AKAP6: variants seen among roughly 807,000 people sequenced by gnomAD.
AKAP6 encodes A-kinase anchor protein 6.
A neutral mutation model predicts 188.5 loss-of-function variants in AKAP6; 58 were observed. That is an observed-to-expected ratio of 0.31 (90% CI 0.25 to 0.38). The LOEUF is 0.38. AKAP6 is among the 10% of genes least tolerant of loss of function. The pLI is 1.00. For synonymous variants in AKAP6, 989 were observed against 998.6 expected, an observed-to-expected ratio of 0.99 and a Z score of 0.18; for missense variants, 2,710 against 2,740.0, an observed-to-expected ratio of 0.99 and a Z score of 0.24.
intron 2 of AKAP6, among the ~76,000 whole-genome samples, chr14:32,527,591 G>T (rs1882198078): frequency 6.6e-6 from 1 of 152,196 alleles, no homozygotes; most frequent in African/African-American, 2.4e-5. Context: ...ATCCTCACCA[G>T]CATTTGGTGT....
At chr14:32,757,190 A>G (rs548454044) in intron 11 of AKAP6, among the ~76,000 whole-genome samples, 1 of 152,136 alleles carries the variant, frequency 6.6e-6, no homozygotes, top group South Asian at 2.1e-4. Flanking sequence ...TCTCTGTGCT[A>G]CCCCCAAGTG....
chr14:32,514,476 CAAT>C (rs1320951084), intron 2 of AKAP6, among the ~76,000 whole-genome samples: 5 of 152,164 alleles, frequency 3.3e-5, no homozygotes, highest in Non-Finnish European at 4.4e-5. Context: ...AAAGGTCATA[CAAT>C]GAGTCAGCAA....
At chr14:32,459,488 A>G (rs1454731319) in intron 2 of AKAP6, among the ~76,000 whole-genome samples, 5 of 152,162 alleles carry the variant, frequency 3.3e-5, no homozygotes, top group African/African-American at 1.2e-4. Flanking sequence ...TCTCAAAGAA[A>G]GAAAACAAAA....
chr14:32,386,860 G>A (rs1436026843), intron 1 of AKAP6, among the ~76,000 whole-genome samples: 1 of 152,030 alleles, frequency 6.6e-6, no homozygotes, highest in Non-Finnish European at 1.5e-5. Flanking sequence ...TGTTGAAAAC[G>A]GTGTCCTTTC....
chr14:32,688,944 G>T (rs1288644832), intron 8 of AKAP6, among the ~76,000 whole-genome samples: 1 of 152,126 alleles, frequency 6.6e-6, no homozygotes, highest in Non-Finnish European at 1.5e-5. Context: ...TGGAAAACTA[G>T]TGAGGCCTAG....
At chr14:32,441,746 C>A (rs749584431) in intron 2 of AKAP6, among the ~76,000 whole-genome samples, 2 of 152,124 alleles carry the variant, frequency 1.3e-5, no homozygotes, top group Non-Finnish European at 2.9e-5. Flanking sequence ...GTCAAGGTGG[C>A]TCAGTCTAAC....
chr14:32,693,954 T>C (rs761839171), intron 8 of AKAP6, among the ~76,000 whole-genome samples: 3 of 152,202 alleles, frequency 2.0e-5, no homozygotes, highest in Non-Finnish European at 4.4e-5. Context: ...CCAGATGGTT[T>C]ATTTTTTATT....
intron 5 of AKAP6, among the ~76,000 whole-genome samples, chr14:32,583,093 C>T (rs980389416): frequency 6.6e-5 from 10 of 152,152 alleles, no homozygotes; most frequent in South Asian, 2.1e-4. Context: ...AGTTTTTCTG[C>T]TCTGTTTTTT....
At position 32,577,100 on chromosome 14, in the gene AKAP6, CT is replaced by C; in HGVS notation, c.2347-16del. 1 of 1,589,488 alleles carries C rather than the reference CT, an allele frequency of 6.3e-7. No homozygotes were observed. The highest frequency in any genetic ancestry group is 8.5e-7 in the Non-Finnish European group (1 of 1,173,142). On this transcript the variant is annotated intron_variant, in intron 4 of 13. Coordinates refer to ENST00000280979, the MANE Select transcript of AKAP6 (RefSeq NM_004274.5). Reference sequence around the variant, plus strand: ...TGCCTTTCTTGCCCCTTTTTTTCCCCTTTTCTTTCCTTTCACAAGGGGTTTG... The same window carrying C: ...TGCCTTTCTTGCCCCTTTTTTTCCCCTTTCTTTCCTTTCACAAGGGGTTTG...
chr14:32,599,206 T>A (rs529075225), intron 5 of AKAP6, among the ~76,000 whole-genome samples: 71 of 152,310 alleles, frequency 4.7e-4, no homozygotes, highest in Non-Finnish European at 8.1e-4. Flanking sequence ...GTCAGCTGTT[T>A]CCAAACAGAT....
chr14:32,505,229 A>G (rs1264712196), intron 2 of AKAP6, among the ~76,000 whole-genome samples: 4 of 151,958 alleles, frequency 2.6e-5, no homozygotes, highest in Non-Finnish European at 2.9e-5. Context: ...GTTAGTGTTA[A>G]TTATCAGTTG....
chr14:32,770,285 T>A (rs1833194295), intron 11 of AKAP6, among the ~76,000 whole-genome samples: 1 of 152,218 alleles, frequency 6.6e-6, no homozygotes, highest in Non-Finnish European at 1.5e-5. Context: ...CTAACAGATT[T>A]AACCTTGCAA....
chr14:32,412,450 C>T (rs1365798684), intron 1 of AKAP6, among the ~76,000 whole-genome samples: 2 of 152,162 alleles, frequency 1.3e-5, no homozygotes, highest in Non-Finnish European at 2.9e-5. Context: ...ATTGGACATA[C>T]GTCATAATTT....
chr14:32,617,708 C>G (rs865956269), intron 7 of AKAP6, among the ~76,000 whole-genome samples: 5 of 152,222 alleles, frequency 3.3e-5, no homozygotes, highest in Non-Finnish European at 7.3e-5. Flanking sequence ...TCACTGCAAC[C>G]TTTGCCTCCC....
chr14:32,647,399 C>T (rs372477748), intron 7 of AKAP6, among the ~76,000 whole-genome samples: 3 of 152,122 alleles, frequency 2.0e-5, no homozygotes, highest in East Asian at 3.9e-4. Context: ...GGTACATGAC[C>T]ATTTCTGTTT....
intron 1 of AKAP6, among the ~76,000 whole-genome samples, chr14:32,353,491 G>A (rs1887363535): frequency 6.6e-6 from 1 of 152,180 alleles, no homozygotes; most frequent in Non-Finnish European, 1.5e-5. Flanking sequence ...AACCCGGGCG[G>A]TAGAGGTTGC....
Position 32,832,138 on chromosome 14 carries a change from G to A in AKAP6, c.*2333G>A, listed in dbSNP as rs1222294666. The A allele has an allele frequency of 6.6e-6, 1 of 151,968 alleles. No individual in the cohort carries two copies. The highest frequency in any genetic ancestry group is 6.6e-5 in the Admixed American group (1 of 15,234). The allele number at this position is 151,968 out of a possible 1,614,324, so 9.4% of individuals were successfully genotyped here. Reference sequence around the variant, plus strand: ...AGTTGCAGTGTTCAAGAGGATTATGGGGGAAAGAGATTAGAGATAATTGTC... The same window carrying A: ...AGTTGCAGTGTTCAAGAGGATTATGAGGGAAAGAGATTAGAGATAATTGTC... On this transcript the variant is annotated 3_prime_UTR_variant, in exon 14 of 14. Coordinates refer to ENST00000280979, the MANE Select transcript of AKAP6 (RefSeq NM_004274.5).
intron 12 of AKAP6, among the ~76,000 whole-genome samples, chr14:32,801,964 G>A (rs1201783363): frequency 6.6e-6 from 1 of 152,090 alleles, no homozygotes; most frequent in Non-Finnish European, 1.5e-5. Context: ...ATTTGTGTAT[G>A]ATTTGCCTAA....
At chr14:32,632,183 A>G (rs1427094455) in intron 7 of AKAP6, among the ~76,000 whole-genome samples, 2 of 151,986 alleles carry the variant, frequency 1.3e-5, no homozygotes, top group Non-Finnish European at 2.9e-5. Flanking sequence ...TGTCCAGGTA[A>G]ACAATAACAA....
Sources: allele counts gnomAD v4.1 joint callset (sites outside exome capture counted in the v4.1 genomes callset), GRCh38; gene constraint gnomAD v4.1.1; transcripts MANE v1.5; gene names NCBI Gene and HGNC (gene_info 2026-07-23, HGNC 2026-07-21).